The following NOCT variants were observed in gnomAD, a reference collection of about 807,000 sequenced individuals.
NOCT encodes the protein nocturnin, also known as CCR4 carbon catabolite repression 4-like.
A neutral mutation model predicts 35.0 loss-of-function variants in NOCT; 18 were observed. The observed-to-expected ratio is 0.51, with a 90% CI of 0.36 to 0.76. The LOEUF (loss-of-function observed/expected upper bound fraction) is 0.76, where lower values mean the gene tolerates loss of function less well. NOCT is among the 30% of genes least tolerant of loss of function. The pLI is 0.01. For missense variants in NOCT, 479 were observed against 541.0 expected (o/e 0.89, Z 1.14); for synonymous variants, 235 against 226.3 (o/e 1.04, Z -0.34).
In NOCT at chr4:139,045,009, C is replaced by T; in HGVS notation, c.831C>T (p.Gly277=). 6.2e-7 allele frequency: 1 copy of T among 1,614,234 alleles called. No individual in the cohort carries two copies. The highest frequency in any genetic ancestry group is 8.5e-7 in the Non-Finnish European group (1 of 1,180,048). Residue 277 remains glycine, a synonymous_variant, in exon 3 of 3, where the codon GGC becomes GGT. Coordinates refer to ENST00000280614, the MANE Select transcript of NOCT (RefSeq NM_012118.4). The part of the protein sequence containing the change: ...IAQTLECKES[G]RQFCIAVTHL... Reference sequence around the variant, plus strand: ...AGACCCTGGAGTGCAAGGAGTCAGGCCGACAGTTCTGCATCGCTGTTACCC... The same window carrying T: ...AGACCCTGGAGTGCAAGGAGTCAGGTCGACAGTTCTGCATCGCTGTTACCC...
chr4:139,022,231 G>A (rs1328925982), intron 1 of NOCT, among the ~76,000 whole-genome samples: 1 of 152,254 alleles, frequency 6.6e-6, no homozygotes, highest in Non-Finnish European at 1.5e-5. Flanking sequence ...TCTTAGAATG[G>A]GAGAAAATCA....
chr4:139,044,075 C>A (rs1055796489), intron 2 of NOCT, among the ~76,000 whole-genome samples: 3 of 150,174 alleles, frequency 2.0e-5, no homozygotes, highest in African/African-American at 7.3e-5. Context: ...TCAATCAACT[C>A]TATGTAGCAT....
intron 1 of NOCT, among the ~76,000 whole-genome samples, chr4:139,021,510 C>T (rs1016710521): frequency 6.6e-6 from 1 of 150,726 alleles, no homozygotes; most frequent in African/African-American, 2.4e-5. Flanking sequence ...CCCAGCTACT[C>T]TCAAAGAAAA....
rs1288936321 is a variant in NOCT, at chr4:139,045,645, C to G, written c.*171C>G. ...CATTCTCCTGCCTCAGCCTCCAGAG[C>G]AACTGGGACAACAGGCGCCCGTCAC... is the stretch of plus-strand genomic sequence containing the variant. On this transcript the variant is annotated 3_prime_UTR_variant, in exon 3 of 3. Coordinates refer to ENST00000280614, the MANE Select transcript of NOCT (RefSeq NM_012118.4). The G allele has an allele frequency of 2.0e-6, 1 of 494,014 alleles. No individual in the cohort carries two copies. The highest frequency in any genetic ancestry group is 2.0e-5 in the African/African-American group (1 of 50,370). 30.6% of individuals were successfully genotyped at this position (494,014 alleles called of 1,614,324 possible). A position where few individuals can be genotyped will look rare whatever the true frequency, so the allele number is the denominator to read the frequency against.
chr4:139,032,573 A>G (rs1389399490), intron 1 of NOCT, among the ~76,000 whole-genome samples: 5 of 152,362 alleles, frequency 3.3e-5, no homozygotes, highest in South Asian at 4.1e-4. Context: ...GAAGCCAAAT[A>G]TGGGTGGAAT....
chr4:139,034,200 C>A (rs889433759), intron 1 of NOCT, among the ~76,000 whole-genome samples: 5 of 152,182 alleles, frequency 3.3e-5, no homozygotes, highest in Non-Finnish European at 5.9e-5. Context: ...GGAACCCACC[C>A]CTGGAACAGC....
At position 139,044,796 on chromosome 4, in the gene NOCT, C is replaced by T. The variant is rs762609219; in HGVS notation, c.618C>T (p.Leu206=). ...ACTATTTTGACACCTTCCAGCCACT[C>T]CTCAGTAGACTAGGCTATCAAGGCA... ...VDHYFDTFQP[L]LSRLGYQGTF... Residue 206 remains leucine (L), a synonymous_variant, in exon 3 of 3, where the codon CTC becomes CTT. Coordinates refer to ENST00000280614, the MANE Select transcript of NOCT (RefSeq NM_012118.4). The T allele has an allele frequency of 6.2e-7, 1 of 1,614,218 alleles. No individual in the cohort carries two copies. Among genetic ancestry groups the T allele is most frequent in the Non-Finnish European group, 8.5e-7 (1 of 1,180,024 alleles).
rs561952934 is a variant in NOCT, at chr4:139,019,245, G to T, written c.190+3074G>T. Among the ~76,000 whole-genome samples the T allele has an allele frequency of 7.9e-5, 12 of 152,176 alleles. No homozygotes were observed. The South Asian group carries it at 8.3e-4, about 11-fold the overall frequency. ...TAATTTTTGTATTTAGTAGAGACAG[G>T]ATTTCAACGTGTTGCCCGGGCTCGT... On this transcript the variant is annotated intron_variant, in intron 1 of 2. Transcript: ENST00000280614.
chr4:139,029,566 C>T (rs572966770), intron 1 of NOCT, among the ~76,000 whole-genome samples: 2 of 152,240 alleles, frequency 1.3e-5, no homozygotes, highest in African/African-American at 2.4e-5. Flanking sequence ...AAATATTTGA[C>T]TCCTGCCAGA....
chr4:139,040,876 G>A (rs1284868982), intron 1 of NOCT, among the ~76,000 whole-genome samples: 1 of 151,460 alleles, frequency 6.6e-6, no homozygotes, highest in Non-Finnish European at 1.5e-5. Flanking sequence ...GCTGTTTTTT[G>A]TTTGTTTTCC....
intron 1 of NOCT, among the ~76,000 whole-genome samples, chr4:139,031,404 C>T (rs760525946): frequency 5.3e-5 from 8 of 152,064 alleles, no homozygotes; most frequent in Non-Finnish European, 8.8e-5. Flanking sequence ...CTGTCTTGGC[C>T]TCCCAAAGTG....
intron 1 of NOCT, among the ~76,000 whole-genome samples, chr4:139,023,158 GA>G (rs1726447048): frequency 1.3e-5 from 2 of 151,624 alleles, no homozygotes; most frequent in Non-Finnish European, 2.9e-5. Context: ...GTTCCGGAAG[GA>G]TATCTGGGAA....
intron 1 of NOCT, among the ~76,000 whole-genome samples, chr4:139,039,188 G>T (rs1427643472): frequency 3.3e-5 from 1 of 30,394 alleles, no homozygotes; most frequent in Admixed American, 3.0e-4. Context: ...AAAAAAAAAA[G>T]CCATTCTTAG....
intron 1 of NOCT, among the ~76,000 whole-genome samples, chr4:139,023,152 C>T (rs76242868): frequency 0.011 from 1,687 of 151,912 alleles, 29 homozygotes; most frequent in African/African-American, 0.037. Flanking sequence ...AGAATTGTTC[C>T]GGAAGGATAT....
At chr4:139,016,896 A>G (rs1044838589) in intron 1 of NOCT, among the ~76,000 whole-genome samples, 1 of 146,748 alleles carries the variant, frequency 6.8e-6, no homozygotes, top group South Asian at 2.2e-4. Context: ...CTCGTGATCC[A>G]CCCGCCTCAG....
chr4:139,045,103 C>A lies in NOCT; in HGVS notation c.925C>A (p.Gln309Lys), dbSNP rs368722959. Residue 309 changes from glutamine (Q) to lysine (K), a missense_variant, in exon 3 of 3, where the codon CAA becomes AAA. Around this residue, in one of 2 missense-constraint regions of NOCT, gnomAD observed 214 missense variants for 284.0 expected, o/e 0.75. Transcript: ENST00000280614. Reference protein sequence around the residue: ...AQGCDLLQNLQNITQGAKIPL... With the variant: ...AQGCDLLQNLKNITQGAKIPL... ...AGGCTGTGACCTCCTTCAGAACCTG[C>A]AAAACATCACCCAAGGAGCCAAGAT... 6.2e-7 allele frequency: 1 copy of A among 1,614,164 alleles called. No homozygotes were observed. The highest frequency in any genetic ancestry group is 1.3e-5 in the African/African-American group (1 of 75,034).
intron 1 of NOCT, among the ~76,000 whole-genome samples, chr4:139,037,702 C>A (rs562604904): frequency 4.0e-4 from 61 of 152,258 alleles, no homozygotes; most frequent in African/African-American, 1.4e-3. Context: ...GAAATTAAGA[C>A]CACGTAAGCC....
chr4:139,041,813 C>T (rs1017932132), intron 1 of NOCT, among the ~76,000 whole-genome samples: 1 of 152,066 alleles, frequency 6.6e-6, no homozygotes, highest in Non-Finnish European at 1.5e-5. Flanking sequence ...TTAAGAAATC[C>T]AGCAATTGAT....
At chr4:139,044,493 G>A in intron 2 of NOCT, 146 bp from the exon 3 acceptor site, 1 of 590,750 alleles carries the variant, frequency 1.7e-6, no homozygotes, top group African/African-American at 1.9e-5. Flanking sequence ...TAGTTTGGAT[G>A]GGGTAATACA....
Sources: allele counts gnomAD v4.1 joint callset (sites outside exome capture counted in the v4.1 genomes callset), GRCh38; gene constraint gnomAD v4.1.1; regional missense constraint gnomAD v4.1.1; transcripts MANE v1.5; gene names NCBI Gene and HGNC (gene_info 2026-07-23, HGNC 2026-07-21).